Variants in SETD5 observed in about 807,000 individuals in gnomAD.
The protein encoded by SETD5 is SET domain containing 5.
In SETD5, 44 loss-of-function variants were observed where a neutral mutation model predicts 153.3. That is an observed-to-expected ratio of 0.29 (90% CI 0.23 to 0.37). The LOEUF (loss-of-function observed/expected upper bound fraction) is 0.37. SETD5 is among the 10% of genes least tolerant of loss of function. SETD5 has a pLI of 1.00. For missense variants in SETD5, 1,544 were observed against 1,768.0 expected, an observed-to-expected ratio of 0.87 and a Z score of 2.27; for synonymous variants, 716 against 645.2, an observed-to-expected ratio of 1.11 and a Z score of -1.66.
chr3:9,447,770 A>C lies in SETD5; in HGVS notation c.1867A>C (p.Arg623=). ...GCCGAAGAGTCGAATTTCTCGGTAC[A>C]GGACCAGTTCAGCCCAAAGACTAAA... ...PRPKSRISRY[R]TSSAQRLKRQ... Residue 623 remains arginine, a synonymous_variant, in exon 15 of 23, where the codon AGG becomes CGG. Coordinates refer to ENST00000402198, the MANE Select transcript of SETD5 (RefSeq NM_001080517.3). The C allele has an allele frequency of 1.9e-6, 3 of 1,614,058 alleles. No individual in the cohort carries two copies. The highest frequency in any genetic ancestry group is 2.5e-6 in the Non-Finnish European group (3 of 1,179,902).
intron 3 of SETD5, chr3:9,431,516 G>C: frequency 1.0e-6 from 1 of 975,294 alleles, no homozygotes; most frequent in Non-Finnish European, 1.2e-6. Context: ...GTAGTTACCT[G>C]TAAGTGTCTA....
In SETD5 at chr3:9,428,887, A is replaced by T; in HGVS notation, c.-52A>T. The T allele has an allele frequency of 7.2e-7, 1 of 1,387,954 alleles. No individual in the cohort carries two copies. The highest frequency in any genetic ancestry group is 2.3e-5 in the East Asian group (1 of 42,966). 86.0% of individuals were successfully genotyped at this position (1,387,954 alleles called of 1,614,324 possible). ...GCTCACCCCCACTCTCAGAGTGGTCAGTCTCCATTAATTGGACCCCGTGAT... is the reference window on the plus strand; with the variant it reads ...GCTCACCCCCACTCTCAGAGTGGTCTGTCTCCATTAATTGGACCCCGTGAT... On this transcript the variant is annotated 5_prime_UTR_variant, in exon 3 of 23. Transcript: ENST00000402198.
chr3:9,473,371 G>A lies in SETD5; in HGVS notation c.3331G>A (p.Gly1111Ser). ...CAGCAGTAACTCCGTTTCCGACACT[G>A]GTGCCCATGGTGTGCAGGGATCCTC... ...QGSSNSVSDT[G>S]AHGVQGSSAR... Residue 1111 changes from glycine (G) to serine (S), a missense_variant, in exon 20 of 23, where the codon GGT becomes AGT. Transcript: ENST00000402198. 6.2e-7 allele frequency: 1 copy of A among 1,613,954 alleles called. No homozygotes were observed. The highest frequency in any genetic ancestry group is 8.5e-7 in the Non-Finnish European group (1 of 1,179,890).
intron 1 of SETD5, among the ~76,000 whole-genome samples, chr3:9,412,529 T>C (rs2036762610): frequency 6.6e-6 from 1 of 151,542 alleles, no homozygotes; most frequent in South Asian, 2.1e-4. Context: ...CAACCTCCAG[T>C]GTAGCTAGGA....
At chr3:9,436,568 CTT>C (rs1331870326) in intron 7 of SETD5, among the ~76,000 whole-genome samples, 1 of 152,070 alleles carries the variant, frequency 6.6e-6, no homozygotes, top group Non-Finnish European at 1.5e-5. Flanking sequence ...TACTTTTTCT[CTT>C]AGTATCAGAG....
At chr3:9,403,891 C>T (rs925408388) in intron 1 of SETD5, among the ~76,000 whole-genome samples, 1 of 152,040 alleles carries the variant, frequency 6.6e-6, no homozygotes, top group Non-Finnish European at 1.5e-5. Context: ...TTTTTAGTTA[C>T]TTTTAAAATA....
intron 17 of SETD5, among the ~76,000 whole-genome samples, chr3:9,457,219 T>C (rs969233192): frequency 6.6e-6 from 1 of 152,268 alleles, no homozygotes; most frequent in Non-Finnish European, 1.5e-5. Context: ...CCAGGCGTGG[T>C]GGCTCACGCC....
intron 1 of SETD5, among the ~76,000 whole-genome samples, chr3:9,412,228 G>T (rs1026345559): frequency 9.9e-5 from 15 of 151,748 alleles, no homozygotes; most frequent in African/African-American, 3.6e-4. Flanking sequence ...ATACTCTGGG[G>T]TTGGAGTGAG....
rs1659854504 is a variant in SETD5, at chr3:9,476,538, T to C, written c.*447T>C. On this transcript the variant is annotated 3_prime_UTR_variant, in exon 23 of 23. Transcript: ENST00000402198. ...TCAAAGCCCCAAGCCATCTGAGTAC[T>C]GTTAGGGTTTTATGCACTTAAGAAA... is the stretch of plus-strand genomic sequence containing the variant. The C allele has an allele frequency of 6.3e-6, 1 of 157,612 alleles. No homozygotes were observed. Among genetic ancestry groups the C allele is most frequent in the South Asian group, 1.8e-4 (1 of 5,486 alleles). The allele number at this position is 157,612 out of a possible 1,614,324, so 9.8% of individuals were successfully genotyped here.
At chr3:9,446,297 A>AC (rs1467274808) in intron 13 of SETD5, among the ~76,000 whole-genome samples, 26 of 133,608 alleles carry the variant, frequency 1.9e-4, no homozygotes, top group Middle Eastern at 7.0e-3. Flanking sequence ...AAAAAAAAAA[A>AC]AAAAAAAAAA....
intron 14 of SETD5, 96 bp from the exon 15 acceptor site, chr3:9,447,590 A>T: frequency 7.5e-7 from 1 of 1,326,552 alleles, no homozygotes; most frequent in Non-Finnish European, 1.0e-6. Context: ...TATATTTTTC[A>T]TCAGTAGACA....
At chr3:9,456,148 A>G (rs2043210969) in intron 17 of SETD5, among the ~76,000 whole-genome samples, 1 of 152,212 alleles carries the variant, frequency 6.6e-6, no homozygotes, top group African/African-American at 2.4e-5. Context: ...CTTGAAAACC[A>G]GCTGTCCCCT....
chr3:9,472,318 A>G (rs755886941), intron 19 of SETD5, among the ~76,000 whole-genome samples: 3 of 152,134 alleles, frequency 2.0e-5, no homozygotes, highest in Non-Finnish European at 4.4e-5. Flanking sequence ...TAGTTTAGTC[A>G]GGGAGCAATC....
In SETD5 at chr3:9,446,244, G is replaced by A. The variant is rs1434596723; in HGVS notation, c.1524+504G>A. Among the ~76,000 whole-genome samples the A allele has an allele frequency of 2.4e-5, 3 of 124,386 alleles. 1 individual carries two copies. The highest frequency in any genetic ancestry group is 5.1e-4 in the East Asian group (2 of 3,952). The allele number at this position is 124,386 out of a possible 152,430, so 81.6% of individuals were successfully genotyped here. ...AGAGCTTGCAGTGAGTGGAGATAGC[G>A]CCACTGCACTCCGGCCTGGGCAAAA... On this transcript the variant is annotated intron_variant, in intron 13 of 22. Transcript: ENST00000402198.
chr3:9,411,401 G>A (rs1322959349), intron 1 of SETD5, among the ~76,000 whole-genome samples: 1 of 152,138 alleles, frequency 6.6e-6, no homozygotes, highest in Non-Finnish European at 1.5e-5. Flanking sequence ...CCTGTTAAAT[G>A]TTTTATCCTT....
intron 18 of SETD5, among the ~76,000 whole-genome samples, chr3:9,467,955 C>T (rs2044809694): frequency 6.6e-6 from 1 of 151,722 alleles, no homozygotes; most frequent in African/African-American, 2.4e-5. Flanking sequence ...CTAGGGATTC[C>T]ATCAATCACA....
At chr3:9,411,991 G>C (rs947138059) in intron 1 of SETD5, among the ~76,000 whole-genome samples, 6 of 152,196 alleles carry the variant, frequency 3.9e-5, no homozygotes, top group African/African-American at 1.4e-4. Context: ...CTCCTTTTCA[G>C]GATCCAGGGT....
intron 17 of SETD5, among the ~76,000 whole-genome samples, chr3:9,455,256 C>T (rs2043104478): frequency 6.7e-6 from 1 of 148,668 alleles, no homozygotes; most frequent in Admixed American, 6.7e-5. Flanking sequence ...CAGGCGCCCG[C>T]CACCTCACCC....
At chr3:9,420,849 T>G (rs1248841960) in intron 1 of SETD5, among the ~76,000 whole-genome samples, 1 of 152,060 alleles carries the variant, frequency 6.6e-6, no homozygotes, top group Non-Finnish European at 1.5e-5. Context: ...TTTTTCATGT[T>G]TCTCACATTT....
Sources: allele counts gnomAD v4.1 joint callset (sites outside exome capture counted in the v4.1 genomes callset), GRCh38; gene constraint gnomAD v4.1.1; transcripts MANE v1.5; gene names NCBI Gene and HGNC (gene_info 2026-07-23, HGNC 2026-07-21).